POLA2: variants seen among roughly 807,000 people sequenced by gnomAD.
POLA2 encodes the protein DNA polymerase alpha 2, accessory subunit, also known as DNA polymerase alpha subunit B.
A neutral mutation model predicts 82.8 loss-of-function variants in POLA2; 47 were observed. That is an observed-to-expected ratio of 0.57 (90% CI 0.45 to 0.72). The LOEUF (loss-of-function observed/expected upper bound fraction) is 0.72. POLA2 is among the 30% of genes least tolerant of loss of function. POLA2 has a pLI of 0.00. For synonymous variants in POLA2, 287 were observed against 286.8 expected, an observed-to-expected ratio of 1.00 and a Z score of -0.01; for missense variants, 634 against 728.1, an observed-to-expected ratio of 0.87 and a Z score of 1.49.
chr11:65,266,367 C>T (rs1590889702), intron 1 of POLA2: 2 of 524,962 alleles, frequency 3.8e-6, no homozygotes, highest in Non-Finnish European at 3.4e-6. Flanking sequence ...TTTAATTGGT[C>T]CCCCTGATTC....
chr11:65,266,563 C>G lies in POLA2; in HGVS notation c.80-19C>G. ...AGAAATGAACTAAGTTTTTACTTGT[C>G]CAATTTTCCTTTCTACAGTGGTAGA... On this transcript the variant is annotated intron_variant, in intron 1 of 17. Coordinates refer to ENST00000265465, the MANE Select transcript of POLA2 (RefSeq NM_002689.4). 9 of 1,612,472 alleles carry G rather than the reference C, an allele frequency of 5.6e-6. No individual in the cohort carries two copies. Among genetic ancestry groups the G allele is most frequent in the Non-Finnish European group, 7.6e-6 (9 of 1,179,124 alleles).
At position 65,296,272 on chromosome 11, in the gene POLA2, T is replaced by C. The variant is rs1030691449; in HGVS notation, c.1647+282T>C. 6 of 343,786 alleles carry C rather than the reference T, an allele frequency of 1.7e-5. No homozygotes were observed. In the Admixed American group the frequency reaches 2.0e-4, roughly 11 times the overall value. The allele number at this position is 343,786 out of a possible 1,614,324, so 21.3% of individuals were successfully genotyped here. The stretch of plus-strand genomic sequence containing the variant: ...AAATGAGGGCTTTCACCAGGCCACA[T>C]AGAGGTGACCTGGGGAAGATTTCAT... On this transcript the variant is annotated intron_variant, in intron 17 of 17. Transcript: ENST00000265465.
At chr11:65,292,167 T>G (rs543255066) in intron 13 of POLA2, among the ~76,000 whole-genome samples, 1 of 151,794 alleles carries the variant, frequency 6.6e-6, no homozygotes, top group African/African-American at 2.4e-5. Context: ...ACCCAGGAGG[T>G]AGAGGTTGCA....
Position 65,294,660 on chromosome 11 carries a change from G to A in POLA2, c.1460+8G>A. 1 of 1,585,706 alleles carries A rather than the reference G, an allele frequency of 6.3e-7. No homozygotes were observed. The highest frequency in any genetic ancestry group is 8.7e-7 in the Non-Finnish European group (1 of 1,155,230). On this transcript the variant is annotated splice_region_variant and intron_variant, in intron 15 of 17. Transcript: ENST00000265465. ...GGCCGAGGAGATCAGTAGGTAAGAA[G>A]TGTGTTCCAGGCCCCAAGCAGGATG...
At chr11:65,275,107 T>G (rs1224821224) in intron 4 of POLA2, among the ~76,000 whole-genome samples, 1 of 152,230 alleles carries the variant, frequency 6.6e-6, no homozygotes, top group Non-Finnish European at 1.5e-5. Context: ...TTTTGATGGT[T>G]TTGAATCTGT....
chr11:65,286,130 G>T (rs1436619005), intron 10 of POLA2, among the ~76,000 whole-genome samples: 1 of 152,204 alleles, frequency 6.6e-6, no homozygotes, highest in African/African-American at 2.4e-5. Context: ...AATGGCAAGA[G>T]AATCAGAGTC....
chr11:65,282,303 C>G (rs1949649608), intron 9 of POLA2, among the ~76,000 whole-genome samples, 176 bp from the exon 10 acceptor site: 1 of 152,058 alleles, frequency 6.6e-6, no homozygotes, highest in Admixed American at 6.6e-5. Context: ...AGAAAAATGG[C>G]AGGTCCCATC....
At chr11:65,294,989 T>C (rs1304290605) in intron 15 of POLA2, among the ~76,000 whole-genome samples, 1 of 152,212 alleles carries the variant, frequency 6.6e-6, no homozygotes, top group East Asian at 1.9e-4. Context: ...AAAACAAATG[T>C]GGACATCCTG....
rs1272128225 is a variant in POLA2 at position 65,294,252 on chromosome 11, G to A, written c.1344G>A (p.Glu448=). ...PPFSYSDLSR[E]DKKQVQFVSE... is the part of the protein sequence containing the mutation. ...TCAGCTACTCCGATCTGTCTCGAGAGGACAAAAAGGTAGCAGCACCCACTC... is the reference window on the plus strand; with the variant it reads ...TCAGCTACTCCGATCTGTCTCGAGAAGACAAAAAGGTAGCAGCACCCACTC... The change falls in exon 14 of 18, where the codon GAG becomes GAA. Residue 448 remains glutamate (E), a synonymous_variant. Transcript: ENST00000265465. 1 of 1,613,470 alleles carries A rather than the reference G, an allele frequency of 6.2e-7. No homozygotes were observed. Among genetic ancestry groups the A allele is most frequent in the Non-Finnish European group, 8.5e-7 (1 of 1,179,422 alleles).
chr11:65,272,904 C>A (rs937207713), intron 4 of POLA2, among the ~76,000 whole-genome samples: 2 of 151,780 alleles, frequency 1.3e-5, no homozygotes, highest in Admixed American at 6.6e-5. Context: ...ATCCCAGCTA[C>A]TCGGGAGGCT....
chr11:65,293,608 CA>C (rs35492423), intron 13 of POLA2, among the ~76,000 whole-genome samples: 19,176 of 73,624 alleles, frequency 0.26, 1,695 homozygotes, highest in African/African-American at 0.4. Flanking sequence ...GGCTCTGTCT[CA>C]AAAAAAAAAA....
downstream of POLA2, among the ~76,000 whole-genome samples, chr11:65,302,282 A>T (rs971829822): frequency 2.6e-5 from 4 of 152,106 alleles, no homozygotes; most frequent in African/African-American, 9.7e-5. Context: ...GGCCCCACCC[A>T]AAGAGTGAGA....
At chr11:65,268,767 A>G in intron 4 of POLA2, 38 bp downstream of exon 4, 1 of 1,313,358 alleles carries the variant, frequency 7.6e-7, no homozygotes, top group Non-Finnish European at 1.1e-6. Flanking sequence ...TTTTACAAGT[A>G]ACATTTTAAA....
intron 1 of POLA2, among the ~76,000 whole-genome samples, chr11:65,264,451 C>T (rs1949436261): frequency 1.3e-5 from 2 of 152,204 alleles, no homozygotes; most frequent in African/African-American, 4.8e-5. Flanking sequence ...GTGATCCGCC[C>T]ACCCTGGCCT....
At chr11:65,303,436 C>A (rs1949869236), downstream of POLA2, among the ~76,000 whole-genome samples, 1 of 151,544 alleles carries the variant, frequency 6.6e-6, no homozygotes, top group South Asian at 2.1e-4. Flanking sequence ...GCAGGAAGAT[C>A]ACTTGAGCCC....
rs757338586 is a variant in POLA2, at chr11:65,294,669, A to G, written c.1460+17A>G. On this transcript the variant is annotated intron_variant, in intron 15 of 17. Transcript: ENST00000265465. ...GATCAGTAGGTAAGAAGTGTGTTCC[A>G]GGCCCCAAGCAGGATGACTGGCTTT... 1.3e-5 allele frequency: 20 copies of G among 1,553,608 alleles called. No homozygotes were observed. In the Admixed American group the frequency reaches 3.4e-4, roughly 27 times the overall value.
intron 4 of POLA2, among the ~76,000 whole-genome samples, chr11:65,273,178 G>A (rs1590894792): frequency 1.3e-5 from 2 of 150,960 alleles, no homozygotes; most frequent in African/African-American, 2.4e-5. Flanking sequence ...AAATTATCCC[G>A]GCATGGTGGC....
At chr11:65,303,895 G>A (rs143079841) in intron 8 of POLA2, among the ~76,000 whole-genome samples, 4 of 152,302 alleles carry the variant, frequency 2.6e-5, no homozygotes, top group East Asian at 1.9e-4. Context: ...TCGGCAGCGG[G>A]ATGCAGAAAT....
chr11:65,268,823 C>T, intron 4 of POLA2, 94 bp downstream of exon 4: 1 of 737,618 alleles, frequency 1.4e-6, no homozygotes, highest in East Asian at 2.9e-5. Context: ...ATCAACCACT[C>T]TCATGCATTT....
Sources: gnomAD v4.1 joint callset for allele counts (sites outside exome capture counted in the v4.1 genomes callset) on GRCh38, gnomAD v4.1.1 for gene constraint, MANE v1.5 for transcripts, NCBI Gene and HGNC (gene_info 2026-07-23, HGNC 2026-07-21) for gene names.